Variants in MCU observed in about 807,000 individuals in gnomAD.
MCU encodes the protein calcium uniporter protein, mitochondrial.
In MCU, 12 loss-of-function variants were observed where a neutral mutation model predicts 45.2. The observed-to-expected ratio is 0.27, with a 90% CI of 0.17 to 0.43. MCU has a LOEUF of 0.43. Among genes scored for constraint, MCU ranks in the 20% least tolerant of loss-of-function variants. The pLI, the probability that MCU is intolerant of heterozygous loss-of-function variation, is 1.00. For synonymous variants in MCU, 160 were observed against 165.1 expected, an observed-to-expected ratio of 0.97 and a Z score of 0.24; for missense variants, 324 against 436.7, an observed-to-expected ratio of 0.74 and a Z score of 2.30.
At chr10:72,789,962 G>A (rs905175459) in intron 1 of MCU, among the ~76,000 whole-genome samples, 4 of 152,138 alleles carry the variant, frequency 2.6e-5, no homozygotes, top group African/African-American at 9.7e-5. Context: ...ACCTTCAAAA[G>A]GATGGCAGCT....
chr10:72,792,508 G>T (rs903460475), intron 1 of MCU, among the ~76,000 whole-genome samples: 2 of 152,120 alleles, frequency 1.3e-5, no homozygotes, highest in African/African-American at 4.8e-5. Flanking sequence ...TCAGCCTTCA[G>T]TTCTTCCATA....
At chr10:72,718,799 T>G (rs1842984927) in intron 1 of MCU, among the ~76,000 whole-genome samples, 1 of 152,178 alleles carries the variant, frequency 6.6e-6, no homozygotes, top group African/African-American at 2.4e-5. Flanking sequence ...TATTGAACAG[T>G]GATCAGAATG....
chr10:72,813,450 C>CTTTTTT (rs71021537), intron 1 of MCU, among the ~76,000 whole-genome samples: 11 of 76,222 alleles, frequency 1.4e-4, no homozygotes, highest in East Asian at 2.8e-4. Context: ...CCAGCTCTCT[C>CTTTTTT]TTTTTTTTTT....
intron 1 of MCU, among the ~76,000 whole-genome samples, chr10:72,810,524 G>T (rs549173398): frequency 7.2e-6 from 1 of 139,196 alleles, no homozygotes; most frequent in African/African-American, 2.8e-5. Flanking sequence ...CTGGAGTTCA[G>T]TGGTGCAATC....
chr10:72,698,502 G>C (rs1842717083), intron 1 of MCU, among the ~76,000 whole-genome samples: 2 of 152,198 alleles, frequency 1.3e-5, no homozygotes. Context: ...TGTTAGAATA[G>C]AGGATTCAAA....
intron 1 of MCU, among the ~76,000 whole-genome samples, chr10:72,722,731 A>G (rs1339158289): frequency 2.0e-5 from 3 of 152,290 alleles, no homozygotes; most frequent in Admixed American, 1.3e-4. Context: ...TGATTAAGAA[A>G]TAGAGACAAA....
intron 4 of MCU, among the ~76,000 whole-genome samples, chr10:72,863,691 A>G (rs538293018): frequency 1.3e-5 from 2 of 152,272 alleles, no homozygotes; most frequent in African/African-American, 4.8e-5. Flanking sequence ...ATCTCAGCTC[A>G]CTGCAACCTC....
chr10:72,882,552 C>T (rs557518056), intron 6 of MCU, among the ~76,000 whole-genome samples: 64 of 152,254 alleles, frequency 4.2e-4, no homozygotes, highest in African/African-American at 1.2e-3. Flanking sequence ...AAATAAACCC[C>T]GGTCTCCCAT....
chr10:72,773,470 C>T (rs1436962959), intron 1 of MCU, among the ~76,000 whole-genome samples: 2 of 151,962 alleles, frequency 1.3e-5, no homozygotes, highest in African/African-American at 4.8e-5. Context: ...GGAACAAAGA[C>T]TGTATATAAG....
chr10:72,831,625 G>A (rs547678925), intron 1 of MCU, among the ~76,000 whole-genome samples: 2 of 152,244 alleles, frequency 1.3e-5, no homozygotes, highest in South Asian at 2.1e-4. Context: ...ACAAAAATAA[G>A]TAAATAATTT....
intron 1 of MCU, among the ~76,000 whole-genome samples, chr10:72,772,209 G>A (rs1843820334): frequency 6.6e-6 from 1 of 152,188 alleles, no homozygotes; most frequent in Admixed American, 6.5e-5. Flanking sequence ...TGGCTGTTCA[G>A]CAGCACCATG....
At chr10:72,745,284 A>G (rs1422549443) in intron 1 of MCU, among the ~76,000 whole-genome samples, 1 of 152,036 alleles carries the variant, frequency 6.6e-6, no homozygotes, top group African/African-American at 2.4e-5. Flanking sequence ...GCTGGAGTGC[A>G]ATGGCACGAT....
intron 2 of MCU, among the ~76,000 whole-genome samples, chr10:72,834,977 A>G (rs1005326574): frequency 3.9e-5 from 6 of 152,168 alleles, no homozygotes; most frequent in African/African-American, 1.4e-4. Context: ...AACTAGGGAC[A>G]TAGTTAATGT....
chr10:72,778,439 A>G (rs1417784163), intron 1 of MCU, among the ~76,000 whole-genome samples: 1 of 152,176 alleles, frequency 6.6e-6, no homozygotes, highest in Non-Finnish European at 1.5e-5. Context: ...TAGAAATATC[A>G]CATCTTCTCA....
At chr10:72,779,259 C>T (rs1054349833) in intron 1 of MCU, among the ~76,000 whole-genome samples, 4 of 152,290 alleles carry the variant, frequency 2.6e-5, no homozygotes, top group East Asian at 1.9e-4. Context: ...TGAGCCACTG[C>T]GCCTGGCCTC....
intron 1 of MCU, among the ~76,000 whole-genome samples, chr10:72,790,019 C>A (rs1844135066): frequency 6.6e-6 from 1 of 152,178 alleles, no homozygotes. Context: ...TTATACACTT[C>A]TGATATATTT....
chr10:72,836,209 A>G (rs1003124720), intron 2 of MCU, among the ~76,000 whole-genome samples: 2 of 152,286 alleles, frequency 1.3e-5, no homozygotes, highest in African/African-American at 4.8e-5. Flanking sequence ...AATTTCTAGT[A>G]TTTATGATAG....
At chr10:72,870,959 G>T (rs1232035603) in intron 5 of MCU, among the ~76,000 whole-genome samples, 1 of 152,102 alleles carries the variant, frequency 6.6e-6, no homozygotes, top group Non-Finnish European at 1.5e-5. Flanking sequence ...GGAGTGCAGT[G>T]GTGTGATCTT....
At chr10:72,859,879 C>G (rs993555807) in intron 3 of MCU, 2 of 152,042 alleles carry the variant, frequency 1.3e-5, no homozygotes, top group African/African-American at 4.8e-5. Context: ...CTGCAGAAAA[C>G]TTGAAAGGTA....
Sources: gnomAD v4.1 joint callset for allele counts (sites outside exome capture counted in the v4.1 genomes callset) on GRCh38, gnomAD v4.1.1 for gene constraint, MANE v1.5 for transcripts, NCBI Gene and HGNC (gene_info 2026-07-23, HGNC 2026-07-21) for gene names.